TMEM132B: variants seen among roughly 807,000 people sequenced by gnomAD.
The protein encoded by TMEM132B is transmembrane protein 132B.
TMEM132B carries 18 observed loss-of-function variants against 90.8 expected under a neutral mutation model. The ratio of observed to expected loss-of-function variants is 0.20; its 90% CI spans 0.14 to 0.29. The LOEUF is 0.29. Ranked by LOEUF, TMEM132B falls within the 10% of genes least tolerant of loss-of-function variation. The pLI is 1.00. For synonymous variants in TMEM132B, 504 were observed against 523.3 expected, an observed-to-expected ratio of 0.96 and a Z score of 0.50; for missense variants, 1,096 against 1,326.8, an observed-to-expected ratio of 0.83 and a Z score of 2.70.
At chr12:125,565,629 G>T (rs1450920638) in intron 4 of TMEM132B, among the ~76,000 whole-genome samples, 1 of 152,166 alleles carries the variant, frequency 6.6e-6, no homozygotes, top group Non-Finnish European at 1.5e-5. Context: ...GGATGGAGTG[G>T]GAAGAAGATC....
intron 1 of TMEM132B, among the ~76,000 whole-genome samples, chr12:125,216,107 C>T (rs1199719605): frequency 2.0e-5 from 3 of 152,188 alleles, no homozygotes; most frequent in African/African-American, 4.8e-5. Flanking sequence ...TTAGTTTGGG[C>T]TGCCATAAGA....
At chr12:125,239,987 G>A (rs544172979) in intron 1 of TMEM132B, among the ~76,000 whole-genome samples, 1 of 152,320 alleles carries the variant, frequency 6.6e-6, no homozygotes, top group East Asian at 1.9e-4. Context: ...TAGCAGCTGT[G>A]GTGACAACAT....
At position 125,498,109 on chromosome 12, in the gene TMEM132B, A is replaced by G. The variant is rs1189302644; in HGVS notation, c.1107-21330A>G. Among the ~76,000 whole-genome samples the G allele has an allele frequency of 1.3e-5, 2 of 151,964 alleles. No individual in the cohort carries two copies. The highest frequency in any genetic ancestry group is 2.9e-5 in the Non-Finnish European group (2 of 67,988). ...CCTGACACACGCTGCTTTATTTACC[A>G]CTCACTGGCCAAAATTGATCCACAT... On this transcript the variant is annotated intron_variant, in intron 3 of 8. Coordinates refer to ENST00000682704, the MANE Select transcript of TMEM132B (RefSeq NM_001366854.1). This position sits in a 1 kb window ranked among gnomAD's most constrained non-coding sequence, Gnocchi z 4.5.
chr12:125,380,357 C>T lies in TMEM132B; in HGVS notation c.959+30014C>T, dbSNP rs143781479. ...CATTCGATTTGGGACTCACTGTAACCCAGGATGATTTCATCTTGAGATATT... is the reference window on the plus strand; with the variant it reads ...CATTCGATTTGGGACTCACTGTAACTCAGGATGATTTCATCTTGAGATATT... On this transcript the variant is annotated intron_variant, in intron 2 of 8. Coordinates refer to ENST00000682704, the MANE Select transcript of TMEM132B (RefSeq NM_001366854.1). Among the ~76,000 whole-genome samples the T allele has an allele frequency of 1.9e-3, 285 of 152,260 alleles. 2 individuals are homozygous for T. In the South Asian group the frequency reaches 0.021, roughly 11 times the overall value.
chr12:125,546,385 T>A (rs1884094348), intron 4 of TMEM132B, among the ~76,000 whole-genome samples: 1 of 152,152 alleles, frequency 6.6e-6, no homozygotes, highest in African/African-American at 2.4e-5. Flanking sequence ...GGTTTCACCA[T>A]GTTAGCTAGG....
intron 5 of TMEM132B, chr12:125,585,678 G>A (rs3803154): frequency 0.062 from 9,383 of 152,200 alleles, 483 homozygotes; most frequent in East Asian, 0.13. Context: ...CACAGATCCC[G>A]TTATTGCCAT....
chr12:125,203,467 G>A (rs1279210607), intron 1 of TMEM132B, among the ~76,000 whole-genome samples: 2 of 152,156 alleles, frequency 1.3e-5, no homozygotes. Flanking sequence ...CAGAGGTAGA[G>A]CTTACCAATA....
At chr12:125,301,659 A>G (rs1462628304) in intron 1 of TMEM132B, 4 of 152,000 alleles carry the variant, frequency 2.6e-5, no homozygotes, top group Non-Finnish European at 2.9e-5. Flanking sequence ...CAGGTGGATC[A>G]CGAGGTCAGG....
At chr12:125,604,997 A>T (rs1885659024) in intron 5 of TMEM132B, among the ~76,000 whole-genome samples, 1 of 152,186 alleles carries the variant, frequency 6.6e-6, no homozygotes, top group South Asian at 2.1e-4. Flanking sequence ...GTGACAGAAG[A>T]GGTGGTGGTT....
chr12:125,402,256 C>T lies in TMEM132B; in HGVS notation c.960-13275C>T, dbSNP rs185115156. On this transcript the variant is annotated intron_variant, in intron 2 of 8. Transcript: ENST00000682704. ...CCAGGCTGGAGTGCAGTGGCGTGAT[C>T]TTGGCTCACTGCAACCTCCACCACC... Among the ~76,000 whole-genome samples, 475 of 152,294 alleles carry T rather than the reference C, an allele frequency of 3.1e-3. 2 individuals carry two copies. The highest frequency in any genetic ancestry group is 4.2e-3 in the Non-Finnish European group (284 of 68,018).
chr12:125,204,893 T>G (rs1403472332), intron 1 of TMEM132B, among the ~76,000 whole-genome samples: 1 of 149,642 alleles, frequency 6.7e-6, no homozygotes, highest in African/African-American at 2.5e-5. Context: ...ATCCTTTCAA[T>G]GAGGGCTCCA....
chr12:125,490,501 TCAC>T lies in TMEM132B; in HGVS notation c.1107-28936_1107-28934del, dbSNP rs1882319900. On this transcript the variant is annotated intron_variant, in intron 3 of 8. Transcript: ENST00000682704. The surrounding 1 kb of genome is among the most constrained non-coding windows in gnomAD (Gnocchi z 4.2). ...TTTTTTGAGACAGAGCCTTGCTCTG[TCAC>T]CCAGGCTGGAGTGCAGTGGCTTGAT... 2.6e-5 allele frequency among the ~76,000 whole-genome samples: 4 copies of T among 152,270 alleles called. No individual in the cohort carries two copies. The South Asian group carries it at 8.3e-4, about 32-fold the overall frequency.
At chr12:125,499,774 T>A (rs1882648590) in intron 3 of TMEM132B, among the ~76,000 whole-genome samples, 1 of 152,244 alleles carries the variant, frequency 6.6e-6, no homozygotes, top group African/African-American at 2.4e-5. Context: ...AAGCTTTTGC[T>A]GCAACTGTTA....
At chr12:125,385,300 T>TAA (rs201228211) in intron 2 of TMEM132B, among the ~76,000 whole-genome samples, 81 of 151,786 alleles carry the variant, frequency 5.3e-4, no homozygotes, top group African/African-American at 1.9e-3. Context: ...TTTGAAGGGA[T>TAA]AAAAAAAAAC....
intron 4 of TMEM132B, among the ~76,000 whole-genome samples, chr12:125,563,225 A>T (rs1228932984): frequency 6.6e-6 from 1 of 151,808 alleles, no homozygotes; most frequent in African/African-American, 2.4e-5. Context: ...CCAAAATGTG[A>T]CAGAGACTTA....
chr12:125,563,594 C>CA (rs1461080243), intron 4 of TMEM132B, among the ~76,000 whole-genome samples: 8 of 149,732 alleles, frequency 5.3e-5, no homozygotes, highest in South Asian at 4.3e-4. Flanking sequence ...AACAAACAAA[C>CA]AAACAAAAAA....
At chr12:125,611,444 G>T (rs1342364010) in intron 5 of TMEM132B, among the ~76,000 whole-genome samples, 1 of 151,846 alleles carries the variant, frequency 6.6e-6, no homozygotes, top group African/African-American at 2.4e-5. Context: ...TTCTTATGAT[G>T]CTTTAGGTTT....
At chr12:125,605,576 T>TGCTCAACTA (rs1189599026) in intron 5 of TMEM132B, among the ~76,000 whole-genome samples, 1 of 152,210 alleles carries the variant, frequency 6.6e-6, no homozygotes, top group East Asian at 1.9e-4. Context: ...CAGAATTCCC[T>TGCTCAACTA]ATATTAGTAT....
intron 3 of TMEM132B, among the ~76,000 whole-genome samples, chr12:125,499,008 A>T (rs1430248063): frequency 6.6e-6 from 1 of 152,232 alleles, no homozygotes; most frequent in Non-Finnish European, 1.5e-5. Flanking sequence ...AGTAAGTCCC[A>T]CAACATTAAT....
Sources: allele counts gnomAD v4.1 joint callset (sites outside exome capture counted in the v4.1 genomes callset), GRCh38; gene constraint gnomAD v4.1.1; non-coding constraint Gnocchi (gnomAD v3.1); transcripts MANE v1.5; gene names NCBI Gene and HGNC (gene_info 2026-07-23, HGNC 2026-07-21).